KIF25: variants seen among roughly 807,000 people sequenced by gnomAD.
KIF25 encodes the protein kinesin-like protein KIF25.
In KIF25, 19 loss-of-function variants were observed where a neutral mutation model predicts 32.9. The observed-to-expected ratio is 0.58, with a 90% CI of 0.40 to 0.85. The LOEUF (loss-of-function observed/expected upper bound fraction) is 0.85, where lower values mean the gene tolerates loss of function less well. Ranked by LOEUF, KIF25 falls within the 40% of genes least tolerant of loss-of-function variation. KIF25 has a pLI of 0.00. For missense variants in KIF25, 485 were observed against 507.0 expected (o/e 0.96, Z 0.42); for synonymous variants, 225 against 213.7 (o/e 1.05, Z -0.46).
chr6:168,043,427 G>A (rs1295144078), intron 12 of KIF25, among the ~76,000 whole-genome samples: 1 of 152,170 alleles, frequency 6.6e-6, no homozygotes, highest in Non-Finnish European at 1.5e-5. Flanking sequence ...CTCCTTCCTG[G>A]GAGGGCCACC....
intron 1 of KIF25, 101 bp downstream of exon 1, chr6:167,998,971 GA>G (rs1405718207): frequency 1.3e-5 from 2 of 152,276 alleles, no homozygotes; most frequent in Non-Finnish European, 2.9e-5. Flanking sequence ...AGAATCACTT[GA>G]ACCTGGGAGG....
chr6:168,005,106 C>T (rs773715776), intron 4 of KIF25, among the ~76,000 whole-genome samples: 36 of 152,132 alleles, frequency 2.4e-4, no homozygotes, highest in Non-Finnish European at 4.3e-4. Flanking sequence ...CTGTCACAGG[C>T]GAGCTTGGCG....
intron 12 of KIF25, among the ~76,000 whole-genome samples, chr6:168,043,519 TG>T (rs1384059113): frequency 1.3e-5 from 2 of 152,224 alleles, no homozygotes; most frequent in African/African-American, 4.8e-5. Context: ...TCTCTCATTG[TG>T]GGGTATTTCC....
At chr6:168,022,135 C>G (rs941803938) in intron 5 of KIF25, among the ~76,000 whole-genome samples, 26 of 152,086 alleles carry the variant, frequency 1.7e-4, no homozygotes, top group African/African-American at 6.3e-4. Flanking sequence ...AATGAAATTC[C>G]TATTAGATAT....
chr6:168,040,280 A>G, intron 10 of KIF25, 64 bp downstream of exon 10: 1 of 1,518,988 alleles, frequency 6.6e-7, no homozygotes, highest in Non-Finnish European at 8.9e-7. Context: ...GAAGAAAAAA[A>G]TCAGGCCAGG....
Position 168,042,628 on chromosome 6 carries a change from G to C in KIF25, c.897G>C (p.Leu299=), listed in dbSNP as rs746748822. The change falls in exon 12 of 13, where the codon CTG becomes CTC. Residue 299 remains leucine (L), a synonymous_variant. Coordinates refer to ENST00000643607, the MANE Select transcript of KIF25 (RefSeq NM_030615.4). ...GCATCAGCCGCAGCCTTGCGGCCCT[G>C]GCAGGCGTCCTGGGGGCTTTGTTGG... The part of the protein sequence containing the change: ...MACISRSLAA[L]AGVLGALLEH... 73 of 1,613,832 alleles carry C rather than the reference G, an allele frequency of 4.5e-5. No individual in the cohort carries two copies. The highest frequency in any genetic ancestry group is 2.8e-4 in the Admixed American group (17 of 60,004).
At chr6:168,006,042 G>T (rs1798575473) in intron 4 of KIF25, among the ~76,000 whole-genome samples, 1 of 152,208 alleles carries the variant, frequency 6.6e-6, no homozygotes, top group African/African-American at 2.4e-5. Flanking sequence ...AGGAGGAAGA[G>T]GGGAAGCTGG....
intron 10 of KIF25, 137 bp downstream of exon 10, chr6:168,040,353 G>A: frequency 1.2e-6 from 1 of 849,902 alleles, no homozygotes; most frequent in Middle Eastern, 3.6e-4. Context: ...ATCACCTGAG[G>A]TCAAGAGTTT....
chr6:168,024,419 CTCTCTTTTTTTTTT>C (rs1433840275), intron 5 of KIF25, among the ~76,000 whole-genome samples: 1 of 132,124 alleles, frequency 7.6e-6, no homozygotes, highest in African/African-American at 2.9e-5. Flanking sequence ...GTAAAAACCT[CTCTCTTTTTTTTTT>C]TTTTTTTTTT....
intron 8 of KIF25, among the ~76,000 whole-genome samples, chr6:168,034,538 C>T (rs970175928): frequency 5.9e-5 from 9 of 152,184 alleles, no homozygotes; most frequent in Non-Finnish European, 1.2e-4. Flanking sequence ...GGATTATAGG[C>T]ATGAGTCTCC....
chr6:168,038,536 T>A lies in KIF25; in HGVS notation c.318-17T>A, dbSNP rs760827079. On this transcript the variant is annotated splice_polypyrimidine_tract_variant and intron_variant, in intron 8 of 12. Transcript: ENST00000643607. ...TGTGAGACTTTCTGTAAGTTTCTCT[T>A]GTGTGTTTTCCCGCAGGCTCATTTT... The A allele has an allele frequency of 6.2e-7, 1 of 1,613,234 alleles. No individual in the cohort carries two copies.
At chr6:168,042,816 C>G (rs867712817) in intron 12 of KIF25, 100 bp downstream of exon 12, 8 of 1,340,852 alleles carry the variant, frequency 6.0e-6, no homozygotes, top group Non-Finnish European at 7.1e-6. Flanking sequence ...CACCCATGCA[C>G]CCCCTGCACC....
At chr6:168,037,388 G>A (rs1273181311) in intron 8 of KIF25, among the ~76,000 whole-genome samples, 1 of 152,226 alleles carries the variant, frequency 6.6e-6, no homozygotes, top group East Asian at 1.9e-4. Context: ...TCCTGTCACT[G>A]AGGACTTCCC....
At chr6:168,024,453 T>G (rs972297381) in intron 5 of KIF25, among the ~76,000 whole-genome samples, 2 of 129,110 alleles carry the variant, frequency 1.5e-5, no homozygotes, top group Non-Finnish European at 3.3e-5. Context: ...TTTTTTTTTT[T>G]ACTGTGCTTC....
At position 168,017,192 on chromosome 6, in the gene KIF25, G is replaced by GACAC. The variant is rs1554249707; in HGVS notation, c.-162-771_-162-768dup. ...GCCACTTCTTTGACATGTTATTGCA[G>GACAC]ACACACACACACAGACACACACACT... On this transcript the variant is annotated intron_variant, in intron 4 of 12. Coordinates refer to ENST00000643607, the MANE Select transcript of KIF25 (RefSeq NM_030615.4). Among the ~76,000 whole-genome samples the GACAC allele has an allele frequency of 2.0e-3, 254 of 128,470 alleles. 2 individuals carry two copies. Among genetic ancestry groups the GACAC allele is most frequent in the South Asian group, 5.7e-3 (21 of 3,694 alleles). The allele number at this position is 128,470 out of a possible 152,430, so 84.3% of individuals were successfully genotyped here. A position where few individuals can be genotyped will look rare whatever the true frequency, so the allele number is the denominator to read the frequency against.
intron 2 of KIF25, 54 bp from the exon 3 acceptor site, chr6:168,002,489 C>T (rs1166578311): frequency 6.6e-6 from 1 of 152,284 alleles, no homozygotes; most frequent in Non-Finnish European, 1.5e-5. Flanking sequence ...TGTGGACTGG[C>T]ACATTGTTTG....
intron 4 of KIF25, among the ~76,000 whole-genome samples, chr6:168,011,913 G>T (rs941987133): frequency 2.6e-5 from 4 of 152,024 alleles, no homozygotes; most frequent in Middle Eastern, 3.2e-3. Flanking sequence ...CAAAAGACCT[G>T]TCTTCAAGTT....
chr6:168,005,309 G>A (rs1162786304), intron 4 of KIF25, among the ~76,000 whole-genome samples: 5 of 152,172 alleles, frequency 3.3e-5, no homozygotes, highest in Admixed American at 6.5e-5. Flanking sequence ...GAAGAGCATC[G>A]GATTTGTTGA....
chr6:168,044,694 G>A (rs1344215949), intron 12 of KIF25, 133 bp from the exon 13 acceptor site: 25 of 878,288 alleles, frequency 2.8e-5, no homozygotes, highest in Non-Finnish European at 4.2e-5. Context: ...CCTGCCAGAC[G>A]TGGCCACTTT....
Sources: gnomAD v4.1 joint callset for allele counts (sites outside exome capture counted in the v4.1 genomes callset) on GRCh38, gnomAD v4.1.1 for gene constraint, MANE v1.5 for transcripts, NCBI Gene and HGNC (gene_info 2026-07-23, HGNC 2026-07-21) for gene names.